The following LRRTM4 variants were observed in gnomAD, a reference collection of about 807,000 sequenced individuals.
LRRTM4 encodes the protein leucine-rich repeat transmembrane neuronal protein 4.
A neutral mutation model predicts 47.6 loss-of-function variants in LRRTM4; 25 were observed. The observed-to-expected ratio is 0.53, with a 90% CI of 0.38 to 0.73. The LOEUF (loss-of-function observed/expected upper bound fraction) is 0.73, where lower values mean the gene tolerates loss of function less well. Ranked by LOEUF, LRRTM4 falls within the 30% of genes least tolerant of loss-of-function variation. The pLI is 0.00. For synonymous variants in LRRTM4, 311 were observed against 269.5 expected (o/e 1.15, Z -1.51); for missense variants, 638 against 713.4 (o/e 0.89, Z 1.20).
intron 3 of LRRTM4, among the ~76,000 whole-genome samples, chr2:77,082,669 T>C (rs1028454030): frequency 6.9e-6 from 1 of 144,202 alleles, no homozygotes; most frequent in Non-Finnish European, 1.5e-5. Flanking sequence ...ATCTCGCTAG[T>C]TAAAAAATAT....
At chr2:77,112,742 C>T (rs183823856) in intron 3 of LRRTM4, among the ~76,000 whole-genome samples, 14 of 152,138 alleles carry the variant, frequency 9.2e-5, no homozygotes, top group African/African-American at 3.4e-4. Context: ...AAGGATCAGT[C>T]GAGCCAGTTT....
At chr2:77,016,186 G>T (rs1678061675) in intron 3 of LRRTM4, among the ~76,000 whole-genome samples, 1 of 152,076 alleles carries the variant, frequency 6.6e-6, no homozygotes, top group South Asian at 2.1e-4. Context: ...AAGAGTTCAA[G>T]ACCATCCTGG....
At chr2:77,098,848 G>T (rs1460261731) in intron 3 of LRRTM4, among the ~76,000 whole-genome samples, 3 of 151,540 alleles carry the variant, frequency 2.0e-5, no homozygotes, top group Non-Finnish European at 3.0e-5. Context: ...TTCATAAAGG[G>T]GAAATTATAA....
intron 3 of LRRTM4, among the ~76,000 whole-genome samples, chr2:76,950,132 C>A (rs77583960): frequency 0.037 from 5,674 of 151,942 alleles, 240 homozygotes; most frequent in East Asian, 0.14. Flanking sequence ...AATAGTTAAG[C>A]AAGCCCTCCC....
At chr2:76,778,397 T>C (rs1386118613) in intron 3 of LRRTM4, among the ~76,000 whole-genome samples, 10 of 144,208 alleles carry the variant, frequency 6.9e-5, no homozygotes, top group Non-Finnish European at 1.2e-4. Flanking sequence ...TCCTGGACTC[T>C]TTTTGGTTGG....
intron 3 of LRRTM4, among the ~76,000 whole-genome samples, chr2:76,872,353 T>C (rs546478268): frequency 2.0e-5 from 3 of 152,126 alleles, no homozygotes; most frequent in Admixed American, 6.6e-5. Flanking sequence ...AAAATTACAA[T>C]TGCATTGCAA....
chr2:77,039,650 A>T (rs1678958590), intron 3 of LRRTM4, among the ~76,000 whole-genome samples: 1 of 151,272 alleles, frequency 6.6e-6, no homozygotes, highest in South Asian at 2.1e-4. Flanking sequence ...ACCATATCAA[A>T]TATTAATAAT....
rs546267053 is a variant in LRRTM4, at chr2:77,147,800, A to G, written c.1551+370518T>C. ...ATATGAATTGGGCTAATTGTTAAGGAGGCATTTACTAGAGATTATGCCAAA... is the reference window on the plus strand; with the variant it reads ...ATATGAATTGGGCTAATTGTTAAGGGGGCATTTACTAGAGATTATGCCAAA... On this transcript the variant is annotated intron_variant, in intron 3 of 3. Transcript: ENST00000409884. Among the ~76,000 whole-genome samples, 136 of 152,318 alleles carry G rather than the reference A, an allele frequency of 8.9e-4. 1 individual carries two copies. The highest frequency in any genetic ancestry group is 3.1e-3 in the African/African-American group (127 of 41,586).
chr2:77,323,441 C>A (rs1300153878), intron 3 of LRRTM4, among the ~76,000 whole-genome samples: 1 of 152,090 alleles, frequency 6.6e-6, no homozygotes, highest in Non-Finnish European at 1.5e-5. Context: ...GGAGTCCACC[C>A]TACGTTTGAA....
rs568009516 is a variant in LRRTM4, at chr2:77,452,286, T to C, written c.1551+66032A>G. Among the ~76,000 whole-genome samples, 3 of 152,286 alleles carry C rather than the reference T, an allele frequency of 2.0e-5. No individual in the cohort carries two copies. The East Asian group carries it at 5.8e-4, about 29-fold the overall frequency. ...GCAATAGGGTGACAGCCAGATAGGTTTGAAGAAGTTGACAAACTCAGCATA... is the reference window on the plus strand; with the variant it reads ...GCAATAGGGTGACAGCCAGATAGGTCTGAAGAAGTTGACAAACTCAGCATA... On this transcript the variant is annotated intron_variant, in intron 3 of 3. Transcript: ENST00000409884.
chr2:77,166,269 C>T (rs1407543420), intron 3 of LRRTM4, among the ~76,000 whole-genome samples: 1 of 152,102 alleles, frequency 6.6e-6, no homozygotes, highest in Admixed American at 6.6e-5. Context: ...AGGACCTCTT[C>T]AAGGAGAATT....
At chr2:76,859,387 G>T (rs1308570340) in intron 3 of LRRTM4, among the ~76,000 whole-genome samples, 1 of 151,942 alleles carries the variant, frequency 6.6e-6, no homozygotes, top group African/African-American at 2.4e-5. Context: ...AAACACATTG[G>T]ATAATGCCCA....
At chr2:77,184,705 A>T (rs1247623163) in intron 3 of LRRTM4, among the ~76,000 whole-genome samples, 1 of 152,152 alleles carries the variant, frequency 6.6e-6, no homozygotes, top group Non-Finnish European at 1.5e-5. Flanking sequence ...CACAATTCAG[A>T]AAAACTGATA....
At chr2:76,863,075 G>C (rs1295119272) in intron 3 of LRRTM4, among the ~76,000 whole-genome samples, 1 of 152,126 alleles carries the variant, frequency 6.6e-6, no homozygotes, top group East Asian at 1.9e-4. Context: ...GTCTGACATT[G>C]AAGACATTTT....
chr2:77,440,183 G>T (rs530307421), intron 3 of LRRTM4, among the ~76,000 whole-genome samples: 17 of 152,304 alleles, frequency 1.1e-4, no homozygotes, highest in Non-Finnish European at 1.5e-4. Context: ...GGGAGGCCGA[G>T]GCGGGCAGAT....
intron 3 of LRRTM4, among the ~76,000 whole-genome samples, chr2:77,197,968 G>T (rs1382171057): frequency 6.6e-6 from 1 of 152,102 alleles, no homozygotes; most frequent in Admixed American, 6.6e-5. Flanking sequence ...CTGCTTAAGA[G>T]ACAAAGAAAT....
chr2:76,873,786 T>A (rs1044818401), intron 3 of LRRTM4, among the ~76,000 whole-genome samples: 8 of 151,520 alleles, frequency 5.3e-5, no homozygotes, highest in Non-Finnish European at 1.0e-4. Flanking sequence ...ATGAAATAGG[T>A]TGATAGATTG....
chr2:77,047,298 T>G (rs1320890422), intron 3 of LRRTM4, among the ~76,000 whole-genome samples: 2 of 152,038 alleles, frequency 1.3e-5, no homozygotes, highest in Non-Finnish European at 2.9e-5. Context: ...CTCAGCAGAA[T>G]CCTTAAGGAA....
intron 3 of LRRTM4, among the ~76,000 whole-genome samples, chr2:76,805,716 A>G (rs1031429656): frequency 9.9e-5 from 15 of 152,206 alleles, no homozygotes; most frequent in African/African-American, 3.6e-4. Flanking sequence ...ATGAAGCAGT[A>G]TGTTAAACCA....
Sources: gnomAD v4.1 joint callset for allele counts (sites outside exome capture counted in the v4.1 genomes callset) on GRCh38, gnomAD v4.1.1 for gene constraint, MANE v1.5 for transcripts, NCBI Gene and HGNC (gene_info 2026-07-23, HGNC 2026-07-21) for gene names.